The following DLG2 variants were observed in gnomAD, a reference collection of about 807,000 sequenced individuals.
The protein encoded by DLG2 is disks large homolog 2.
DLG2 carries 45 observed loss-of-function variants against 132.5 expected under a neutral mutation model. The observed-to-expected ratio is 0.34, with a 90% CI of 0.27 to 0.44. The LOEUF is 0.44. DLG2 is among the 20% of genes least tolerant of loss of function. The pLI is 1.00. For missense variants in DLG2, 1,045 were observed against 1,196.9 expected (o/e 0.87, Z 1.87); for synonymous variants, 424 against 419.6 (o/e 1.01, Z -0.13).
intron 3 of DLG2, among the ~76,000 whole-genome samples, chr11:85,557,530 T>A (rs760542190): frequency 1.4e-4 from 21 of 150,908 alleles, no homozygotes; most frequent in Non-Finnish European, 3.0e-4. Context: ...AATGCCAGAG[T>A]CATCACATTA....
intron 4 of DLG2, among the ~76,000 whole-genome samples, chr11:85,234,835 ATTAT>A (rs2075495376): frequency 2.6e-5 from 4 of 152,066 alleles, no homozygotes; most frequent in East Asian, 3.9e-4. Flanking sequence ...TTTTAATGAA[ATTAT>A]TTATTTATTC....
chr11:85,507,729 A>G (rs1392036449), intron 3 of DLG2, among the ~76,000 whole-genome samples: 1 of 151,984 alleles, frequency 6.6e-6, no homozygotes, highest in African/African-American at 2.4e-5. Flanking sequence ...TGTTCTCTGT[A>G]TTTCCTGAAT....
At chr11:83,857,891 A>G (rs2060806571) in intron 16 of DLG2, among the ~76,000 whole-genome samples, 1 of 152,032 alleles carries the variant, frequency 6.6e-6, no homozygotes, top group Non-Finnish European at 1.5e-5. Flanking sequence ...TAATGAATAC[A>G]AGTTCTCTTT....
intron 7 of DLG2, among the ~76,000 whole-genome samples, chr11:84,308,073 G>C (rs1398917583): frequency 6.6e-6 from 1 of 152,156 alleles, no homozygotes; most frequent in Non-Finnish European, 1.5e-5. Flanking sequence ...CGCAGAAGTA[G>C]ACCCCAGCAG....
At chr11:84,312,359 G>A (rs2098296606) in intron 7 of DLG2, among the ~76,000 whole-genome samples, 1 of 152,120 alleles carries the variant, frequency 6.6e-6, no homozygotes, top group Non-Finnish European at 1.5e-5. Context: ...CGTGCCTGTA[G>A]TCCCAACTAC....
At chr11:83,572,898 A>G (rs904786107) in intron 19 of DLG2, among the ~76,000 whole-genome samples, 9 of 152,126 alleles carry the variant, frequency 5.9e-5, no homozygotes, top group African/African-American at 1.9e-4. Context: ...GACACTAAGG[A>G]CTTGAACCTG....
At chr11:84,095,152 A>G (rs372432995) in intron 10 of DLG2, among the ~76,000 whole-genome samples, 2 of 152,252 alleles carry the variant, frequency 1.3e-5, no homozygotes, top group East Asian at 1.9e-4. Context: ...TGTAGAAGGT[A>G]TAATAGGAAA....
chr11:84,168,118 C>A (rs1355844197), intron 8 of DLG2, among the ~76,000 whole-genome samples: 13 of 152,158 alleles, frequency 8.5e-5, no homozygotes, highest in Admixed American at 8.5e-4. Context: ...GTGACAGATA[C>A]TGAGAAAATA....
intron 17 of DLG2, among the ~76,000 whole-genome samples, chr11:83,796,471 G>T (rs150741614): frequency 6.6e-6 from 1 of 152,032 alleles, no homozygotes; most frequent in Non-Finnish European, 1.5e-5. Flanking sequence ...ACTCCCTTCC[G>T]CATCCCTTCA....
At chr11:83,810,406 T>C (rs555834585) in intron 17 of DLG2, among the ~76,000 whole-genome samples, 2 of 152,214 alleles carry the variant, frequency 1.3e-5, no homozygotes, top group Admixed American at 6.5e-5. Flanking sequence ...ATAAATAATT[T>C]TGGTAATTAT....
At chr11:85,187,153 T>C (rs2080172069) in intron 4 of DLG2, among the ~76,000 whole-genome samples, 2 of 152,136 alleles carry the variant, frequency 1.3e-5, no homozygotes, top group African/African-American at 4.8e-5. Flanking sequence ...TACTGAATAT[T>C]ACTAAAACAC....
intron 7 of DLG2, among the ~76,000 whole-genome samples, chr11:84,427,807 C>T (rs1331427448): frequency 6.6e-6 from 1 of 152,254 alleles, no homozygotes; most frequent in South Asian, 2.1e-4. Flanking sequence ...CACAGGAATA[C>T]CACGGACCTC....
chr11:84,008,872 T>G (rs989778947), intron 11 of DLG2, among the ~76,000 whole-genome samples: 2 of 151,684 alleles, frequency 1.3e-5, no homozygotes, highest in African/African-American at 4.8e-5. Flanking sequence ...GATCACTCTC[T>G]TCTTTGTGCA....
chr11:84,817,978 C>T (rs976345266), intron 6 of DLG2, among the ~76,000 whole-genome samples: 1 of 151,944 alleles, frequency 6.6e-6, no homozygotes, highest in Non-Finnish European at 1.5e-5. Context: ...ATAACAGATT[C>T]CTAGTGCTCC....
At chr11:84,110,949 T>C (rs996760702) in intron 9 of DLG2, among the ~76,000 whole-genome samples, 2 of 151,824 alleles carry the variant, frequency 1.3e-5, no homozygotes, top group African/African-American at 2.4e-5. Flanking sequence ...CTGTGTAGAT[T>C]TATATATCCC....
At chr11:84,736,092 T>C (rs1318681027) in intron 6 of DLG2, among the ~76,000 whole-genome samples, 1 of 151,928 alleles carries the variant, frequency 6.6e-6, no homozygotes, top group African/African-American at 2.4e-5. Context: ...GAGGTATGGA[T>C]CCAAGTTCAT....
At chr11:84,537,396 G>A (rs1015462480) in intron 6 of DLG2, among the ~76,000 whole-genome samples, 6 of 151,980 alleles carry the variant, frequency 3.9e-5, no homozygotes, top group African/African-American at 9.7e-5. Context: ...GTGAGCCACC[G>A]CACCCAGCCC....
chr11:84,192,722 T>C (rs2096436913), intron 8 of DLG2, among the ~76,000 whole-genome samples: 1 of 151,922 alleles, frequency 6.6e-6, no homozygotes, highest in South Asian at 2.1e-4. Flanking sequence ...AGGGCGAGAC[T>C]CCATCTCAAA....
At chr11:84,600,708 A>G (rs1224957473) in intron 6 of DLG2, among the ~76,000 whole-genome samples, 1 of 152,206 alleles carries the variant, frequency 6.6e-6, no homozygotes, top group African/African-American at 2.4e-5. Flanking sequence ...GCTTAACAAA[A>G]CCAGAACTTT....
Sources: gnomAD v4.1 joint callset for allele counts (sites outside exome capture counted in the v4.1 genomes callset) on GRCh38, gnomAD v4.1.1 for gene constraint, MANE v1.5 for transcripts, NCBI Gene and HGNC (gene_info 2026-07-23, HGNC 2026-07-21) for gene names.